Variants in ANO4 observed in about 807,000 individuals in gnomAD.
ANO4 encodes anoctamin 4, also known as anoctamin-4.
In ANO4, 69 loss-of-function variants were observed where a neutral mutation model predicts 141.9. The observed-to-expected ratio is 0.49, with a 90% confidence interval of 0.40 to 0.59. The LOEUF (loss-of-function observed/expected upper bound fraction) is 0.59. Among genes scored for constraint, ANO4 ranks in the 20% least tolerant of loss-of-function variants. The probability of loss-of-function intolerance (pLI) is 0.00; values close to 1 mark genes in which losing one functional copy is unlikely to be tolerated. For missense variants in ANO4, 894 were observed against 1,162.2 expected, an observed-to-expected ratio of 0.77 and a Z score of 3.36; for synonymous variants, 350 against 394.3, an observed-to-expected ratio of 0.89 and a Z score of 1.33.
At chr12:101,085,764 G>T (rs75224366) in intron 16 of ANO4, among the ~76,000 whole-genome samples, 3 of 152,138 alleles carry the variant, frequency 2.0e-5, no homozygotes, top group South Asian at 2.1e-4. Context: ...TACCTATCAC[G>T]TAGTTGGTTC....
intron 1 of ANO4, among the ~76,000 whole-genome samples, chr12:100,826,894 T>A (rs1327860725): frequency 6.6e-6 from 1 of 152,028 alleles, no homozygotes; most frequent in African/African-American, 2.4e-5. Context: ...CAGGTCTGCC[T>A]TTAAAATATA....
At chr12:100,978,186 G>A (rs1402217426) in intron 7 of ANO4, among the ~76,000 whole-genome samples, 1 of 152,166 alleles carries the variant, frequency 6.6e-6, no homozygotes, top group African/African-American at 2.4e-5. Context: ...TATATTTCCA[G>A]CACCAAGCAC....
At chr12:101,058,475 TG>T (rs2048218511) in intron 14 of ANO4, among the ~76,000 whole-genome samples, 1 of 152,226 alleles carries the variant, frequency 6.6e-6, no homozygotes, top group Non-Finnish European at 1.5e-5. Flanking sequence ...TTCACAATAT[TG>T]ATTCTTCCTA....
At chr12:100,832,302 A>G (rs1356509171) in intron 1 of ANO4, among the ~76,000 whole-genome samples, 1 of 152,232 alleles carries the variant, frequency 6.6e-6, no homozygotes, top group South Asian at 2.1e-4. Flanking sequence ...TTTTTGTTCT[A>G]TACAGGAATC....
chr12:100,995,300 G>A (rs1160814541), intron 8 of ANO4, among the ~76,000 whole-genome samples: 1 of 152,124 alleles, frequency 6.6e-6, no homozygotes, highest in Non-Finnish European at 1.5e-5. Flanking sequence ...CAAAACCAAG[G>A]CCCTAATCTG....
chr12:101,127,123 G>A (rs2051353574), intron 27 of ANO4, 49 bp downstream of exon 27: 1 of 1,541,744 alleles, frequency 6.5e-7, no homozygotes, highest in African/African-American at 1.4e-5. Context: ...AGGTTGAATG[G>A]GTGCTTTAAA....
At chr12:100,925,956 T>C (rs602734) in intron 3 of ANO4, among the ~76,000 whole-genome samples, 106,302 of 151,328 alleles carry the variant, frequency 0.7, 37,546 homozygotes, top group Middle Eastern at 0.76. Flanking sequence ...TGGGGTAGGC[T>C]GGCCATGATG....
intron 13 of ANO4, chr12:101,048,091 G>A: frequency 8.4e-7 from 1 of 1,188,478 alleles, no homozygotes; most frequent in Non-Finnish European, 1.1e-6. Context: ...CACTATTGGG[G>A]ATGCTGATAA....
chr12:100,907,423 C>T, intron 2 of ANO4, among the ~76,000 whole-genome samples: 1 of 152,148 alleles, frequency 6.6e-6, no homozygotes, highest in Non-Finnish European at 1.5e-5. Context: ...ATCTTATAGT[C>T]AGAATTATTC....
intron 3 of ANO4, among the ~76,000 whole-genome samples, chr12:100,783,144 G>A (rs924257948): frequency 2.0e-5 from 3 of 152,080 alleles, no homozygotes; most frequent in African/African-American, 7.2e-5. Flanking sequence ...TTGCACCTAC[G>A]GTACAATGAG....
chr12:100,871,672 A>C (rs755947078), intron 1 of ANO4, among the ~76,000 whole-genome samples: 11 of 152,212 alleles, frequency 7.2e-5, no homozygotes, highest in African/African-American at 9.6e-5. Flanking sequence ...TCCAATATCC[A>C]AGCACTGACA....
In ANO4 at chr12:100,901,759, C is replaced by T. The variant is rs748319600; in HGVS notation, c.-27C>T. The T allele has an allele frequency of 1.6e-5, 26 of 1,612,030 alleles. No individual in the cohort carries two copies. In the Admixed American group the frequency reaches 4.3e-4, roughly 27 times the overall value. Reference sequence around the variant, plus strand: ...CCTGCCTGTGGTCAGGCATTCCTCACTCCCACCAGGCAGAAGGTCAATAAA... The same window carrying T: ...CCTGCCTGTGGTCAGGCATTCCTCATTCCCACCAGGCAGAAGGTCAATAAA... On this transcript the variant is annotated 5_prime_UTR_variant, in exon 2 of 28. Transcript: ENST00000392977.
At chr12:100,897,880 C>T (rs2040419242) in intron 1 of ANO4, among the ~76,000 whole-genome samples, 1 of 152,216 alleles carries the variant, frequency 6.6e-6, no homozygotes, top group Non-Finnish European at 1.5e-5. Flanking sequence ...CCAAAGGACT[C>T]TCAACATTCT....
chr12:100,985,590 T>A (rs1378359172), intron 7 of ANO4, among the ~76,000 whole-genome samples: 1 of 152,214 alleles, frequency 6.6e-6, no homozygotes, highest in East Asian at 1.9e-4. Context: ...TCAACCACTG[T>A]GTCATGCTGC....
At chr12:101,106,126 A>T (rs2136994099) in intron 22 of ANO4, among the ~76,000 whole-genome samples, 1 of 152,264 alleles carries the variant, frequency 6.6e-6, no homozygotes, top group Non-Finnish European at 1.5e-5. Flanking sequence ...AAAAAGAAAA[A>T]TGAGCAGATT....
chr12:100,717,289 G>A (rs868518945), upstream of ANO4, among the ~76,000 whole-genome samples: 154 of 151,846 alleles, frequency 1.0e-3, 1 homozygote, highest in African/African-American at 3.6e-3. Flanking sequence ...GAGCGCGGCT[G>A]CCGGTCTACG....
At chr12:101,035,223 C>G (rs549032543) in intron 9 of ANO4, among the ~76,000 whole-genome samples, 75 of 152,160 alleles carry the variant, frequency 4.9e-4, no homozygotes, top group African/African-American at 1.8e-3. Flanking sequence ...AAGAAATGAG[C>G]TACTGATATT....
chr12:100,771,609 C>T (rs1215247365), intron 3 of ANO4, among the ~76,000 whole-genome samples: 2 of 152,064 alleles, frequency 1.3e-5, no homozygotes, highest in African/African-American at 4.8e-5. Context: ...GTTTTATGGA[C>T]CCAGGGGCTA....
intron 5 of ANO4, among the ~76,000 whole-genome samples, chr12:100,948,721 G>C (rs1271562452): frequency 6.6e-6 from 1 of 152,192 alleles, no homozygotes; most frequent in Non-Finnish European, 1.5e-5. Flanking sequence ...TACTTAGCTA[G>C]TCCTTGTGGT....
Sources: allele counts gnomAD v4.1 joint callset (sites outside exome capture counted in the v4.1 genomes callset), GRCh38; gene constraint gnomAD v4.1.1; transcripts MANE v1.5; gene names NCBI Gene and HGNC (gene_info 2026-07-23, HGNC 2026-07-21).